The following SCFD2 variants were observed in gnomAD, a reference collection of about 807,000 sequenced individuals.
SCFD2 encodes sec1 family domain-containing protein 2.
In SCFD2, 54 loss-of-function variants were observed where a neutral mutation model predicts 58.9. The ratio of observed to expected loss-of-function variants is 0.92; its 90% CI spans 0.74 to 1.15. The LOEUF (loss-of-function observed/expected upper bound fraction) is 1.15, where lower values mean the gene tolerates loss of function less well. SCFD2 is among the 50% of genes most tolerant of loss of function. The probability of loss-of-function intolerance (pLI) is 0.00; values close to 1 mark genes in which losing one functional copy is unlikely to be tolerated. For synonymous variants in SCFD2, 321 were observed against 335.9 expected, an observed-to-expected ratio of 0.96 and a Z score of 0.49; for missense variants, 805 against 836.6, an observed-to-expected ratio of 0.96 and a Z score of 0.47.
chr4:53,195,377 T>C (rs1728030764), intron 4 of SCFD2, among the ~76,000 whole-genome samples: 1 of 152,130 alleles, frequency 6.6e-6, no homozygotes, highest in African/African-American at 2.4e-5. Flanking sequence ...TCTGGTGAAG[T>C]CAAATAAATG....
chr4:53,098,107 AT>A (rs1386788622), intron 5 of SCFD2, among the ~76,000 whole-genome samples: 1 of 152,162 alleles, frequency 6.6e-6, no homozygotes, highest in Non-Finnish European at 1.5e-5. Flanking sequence ...GTGCTGCTGG[AT>A]TTGGTTTACC....
intron 6 of SCFD2, among the ~76,000 whole-genome samples, chr4:52,909,521 T>A (rs187610105): frequency 1.3e-4 from 20 of 152,322 alleles, no homozygotes; most frequent in Admixed American, 1.2e-3. Flanking sequence ...TAAGCTCCGG[T>A]GTGAAACATA....
chr4:52,997,390 C>T (rs1025068121), intron 5 of SCFD2, among the ~76,000 whole-genome samples: 3 of 152,298 alleles, frequency 2.0e-5, no homozygotes, highest in East Asian at 1.9e-4. Context: ...TGGAACTTTC[C>T]GTGGCAGGAA....
chr4:53,278,473 T>C (rs1018015372), intron 3 of SCFD2, among the ~76,000 whole-genome samples: 2 of 149,036 alleles, frequency 1.3e-5, no homozygotes, highest in African/African-American at 5.0e-5. Context: ...ACCTGGGAAG[T>C]GGCCAAGATC....
At chr4:52,956,274 A>T in intron 5 of SCFD2, 2 of 456,530 alleles carry the variant, frequency 4.4e-6, no homozygotes, top group South Asian at 3.1e-5. Context: ...TGGAGCCTGG[A>T]AGGGGAGCGG....
intron 6 of SCFD2, among the ~76,000 whole-genome samples, chr4:52,908,245 C>T (rs1369447041): frequency 2.0e-5 from 3 of 152,302 alleles, no homozygotes; most frequent in Non-Finnish European, 1.5e-5. Context: ...TGCTAAATGC[C>T]TTCCTTTTCT....
chr4:53,254,860 ATTTATTTTAT>A (rs1553892785), intron 4 of SCFD2, among the ~76,000 whole-genome samples: 2 of 47,538 alleles, frequency 4.2e-5, no homozygotes, highest in African/African-American at 1.6e-4. Context: ...ATTTTATTTT[ATTTATTTTAT>A]TTTATTTTAT....
At chr4:52,891,932 C>T (rs1202324916) in intron 7 of SCFD2, among the ~76,000 whole-genome samples, 1 of 152,218 alleles carries the variant, frequency 6.6e-6, no homozygotes, top group Non-Finnish European at 1.5e-5. Context: ...AAGCTGTGTT[C>T]CTGACTGCTC....
chr4:53,253,889 T>A (rs1475207179), intron 4 of SCFD2, among the ~76,000 whole-genome samples: 1 of 144,664 alleles, frequency 6.9e-6, no homozygotes, highest in East Asian at 2.0e-4. Flanking sequence ...TAAAGTATAA[T>A]TATAAAAAAA....
At chr4:53,216,143 G>C (rs1728823231) in intron 4 of SCFD2, among the ~76,000 whole-genome samples, 1 of 152,160 alleles carries the variant, frequency 6.6e-6, no homozygotes, top group South Asian at 2.1e-4. Flanking sequence ...TTTGGTGTCA[G>C]GATGATGCTG....
At chr4:53,080,491 T>C (rs1724108781) in intron 5 of SCFD2, among the ~76,000 whole-genome samples, 1 of 152,156 alleles carries the variant, frequency 6.6e-6, no homozygotes, top group Non-Finnish European at 1.5e-5. Context: ...AAATAACGTA[T>C]ATAGAAACAG....
chr4:53,307,021 C>T (rs1732537038), intron 3 of SCFD2, among the ~76,000 whole-genome samples: 1 of 152,242 alleles, frequency 6.6e-6, no homozygotes, highest in Non-Finnish European at 1.5e-5. Context: ...ACTATACTTT[C>T]CTCTCACCCT....
At chr4:53,014,455 G>A (rs1722165478) in intron 5 of SCFD2, among the ~76,000 whole-genome samples, 1 of 152,202 alleles carries the variant, frequency 6.6e-6, no homozygotes, top group Admixed American at 6.5e-5. Flanking sequence ...TATTTGTACA[G>A]TTATTCTTCC....
chr4:53,000,815 C>T, intron 5 of SCFD2, among the ~76,000 whole-genome samples: 1 of 152,202 alleles, frequency 6.6e-6, no homozygotes, highest in East Asian at 1.9e-4. Context: ...TGTTGATTGA[C>T]AGGAGGCAGA....
At chr4:52,919,102 G>T (rs948913011) in intron 6 of SCFD2, among the ~76,000 whole-genome samples, 2 of 152,212 alleles carry the variant, frequency 1.3e-5, no homozygotes, top group Admixed American at 6.5e-5. Context: ...AAATGACAGT[G>T]TTGGCAGCAG....
chr4:53,018,864 A>C (rs1371278926), intron 5 of SCFD2, among the ~76,000 whole-genome samples: 6 of 152,280 alleles, frequency 3.9e-5, no homozygotes, highest in African/African-American at 1.2e-4. Context: ...AGCCATAATA[A>C]GGTTTGTTGT....
chr4:53,331,741 A>C (rs575985551), intron 2 of SCFD2, among the ~76,000 whole-genome samples: 1 of 152,208 alleles, frequency 6.6e-6, no homozygotes, highest in Non-Finnish European at 1.5e-5. Context: ...AGAAATAACT[A>C]AAATCAGAGC....
chr4:53,164,148 C>T (rs1440623030), intron 4 of SCFD2, among the ~76,000 whole-genome samples: 1 of 152,106 alleles, frequency 6.6e-6, no homozygotes, highest in African/African-American at 2.4e-5. Flanking sequence ...TTTACTACTA[C>T]ATTTATTACT....
intron 5 of SCFD2, among the ~76,000 whole-genome samples, chr4:52,952,257 A>G (rs116556917): frequency 0.19 from 11,123 of 59,082 alleles, 613 homozygotes; most frequent in Admixed American, 0.29. Flanking sequence ...ATCCCCTCTC[A>G]CACCCCCATC....
Sources: allele counts gnomAD v4.1 joint callset (sites outside exome capture counted in the v4.1 genomes callset), GRCh38; gene constraint gnomAD v4.1.1; transcripts MANE v1.5; gene names NCBI Gene and HGNC (gene_info 2026-07-23, HGNC 2026-07-21).